Variants in KCNQ3 observed in about 807,000 individuals in gnomAD.
KCNQ3 encodes the protein potassium voltage-gated channel subfamily KQT member 3.
A neutral mutation model predicts 92.5 loss-of-function variants in KCNQ3; 30 were observed. The observed-to-expected ratio is 0.32, with a 90% confidence interval of 0.24 to 0.44. The LOEUF is 0.44. KCNQ3 is among the 20% of genes least tolerant of loss of function. The pLI, the probability that KCNQ3 is intolerant of heterozygous loss-of-function variation, is 1.00. For synonymous variants in KCNQ3, 450 were observed against 468.8 expected (o/e 0.96, Z 0.52); for missense variants, 913 against 1,140.3 (o/e 0.80, Z 2.87).
chr8:132,150,772 G>T (rs989365242), intron 9 of KCNQ3, among the ~76,000 whole-genome samples: 1 of 151,920 alleles, frequency 6.6e-6, no homozygotes, highest in Non-Finnish European at 1.5e-5. Flanking sequence ...TAGGAGATTG[G>T]CAAACAAAAG....
rs1822542079 is a variant in KCNQ3, at chr8:132,480,691, A to G, written c.-159T>C. On this transcript the variant is annotated 5_prime_UTR_variant, in exon 1 of 15. Coordinates refer to ENST00000388996, the MANE Select transcript of KCNQ3 (RefSeq NM_004519.4). ...CCCCACCCCCCCCCAAAAGCAGGCA[A>G]AGGCGGGCCCCCTGGGGGGCAGGGG... The G allele has an allele frequency of 2.7e-6, 2 of 751,906 alleles. No homozygotes were observed. Among genetic ancestry groups the G allele is most frequent in the African/African-American group, 2.1e-5 (1 of 48,748 alleles). The allele number at this position is 751,906 out of a possible 1,614,324, so 46.6% of individuals were successfully genotyped here. A position where few individuals can be genotyped will look rare whatever the true frequency, so the allele number is the denominator to read the frequency against.
At chr8:132,347,900 C>A (rs1016371053) in intron 1 of KCNQ3, among the ~76,000 whole-genome samples, 4 of 150,498 alleles carry the variant, frequency 2.7e-5, no homozygotes, top group African/African-American at 9.8e-5. Flanking sequence ...TGGCGTGAAC[C>A]TGGGAGGCGG....
At chr8:132,278,935 G>A (rs565356476) in intron 1 of KCNQ3, among the ~76,000 whole-genome samples, 23 of 152,232 alleles carry the variant, frequency 1.5e-4, no homozygotes, top group African/African-American at 4.3e-4. Flanking sequence ...GTGCACATCC[G>A]TCAGGGGCGG....
At chr8:132,265,905 G>A (rs1205367596) in intron 1 of KCNQ3, among the ~76,000 whole-genome samples, 1 of 152,072 alleles carries the variant, frequency 6.6e-6, no homozygotes, top group Admixed American at 6.6e-5. Flanking sequence ...CTTGAACTTG[G>A]GGAATTCACT....
intron 1 of KCNQ3, among the ~76,000 whole-genome samples, chr8:132,267,285 C>T (rs994812569): frequency 6.6e-6 from 1 of 152,176 alleles, no homozygotes; most frequent in Non-Finnish European, 1.5e-5. Flanking sequence ...CAAATTCAGG[C>T]ATAATCCTTC....
chr8:132,243,974 C>A (rs567384349), intron 1 of KCNQ3, among the ~76,000 whole-genome samples: 86 of 152,176 alleles, frequency 5.7e-4, no homozygotes, highest in Non-Finnish European at 1.0e-3. Flanking sequence ...TTCACTGAGC[C>A]TTCAGATGCC....
At chr8:132,136,153 A>G (rs1825083191) in intron 12 of KCNQ3, among the ~76,000 whole-genome samples, 1 of 147,382 alleles carries the variant, frequency 6.8e-6, no homozygotes, top group Non-Finnish European at 1.5e-5. Context: ...AAAAGAAAAG[A>G]GAAAGGCCAT....
At chr8:132,172,347 T>A (rs1179952087) in intron 7 of KCNQ3, among the ~76,000 whole-genome samples, 1 of 150,868 alleles carries the variant, frequency 6.6e-6, no homozygotes, top group Non-Finnish European at 1.5e-5. Flanking sequence ...CCCATAGCCA[T>A]CCACAAGTAA....
intron 1 of KCNQ3, among the ~76,000 whole-genome samples, chr8:132,301,043 G>T (rs1407962817): frequency 6.6e-6 from 1 of 152,128 alleles, no homozygotes; most frequent in Non-Finnish European, 1.5e-5. Context: ...CCTTCTGGCT[G>T]GCTAGTTTCC....
At chr8:132,321,380 AAG>A (rs1468426393) in intron 1 of KCNQ3, 1 of 152,456 alleles carries the variant, frequency 6.6e-6, no homozygotes, top group Non-Finnish European at 1.5e-5. Flanking sequence ...CATATTGTAG[AAG>A]CCCTTGGTGG....
intron 1 of KCNQ3, among the ~76,000 whole-genome samples, chr8:132,294,468 T>G (rs928119249): frequency 6.6e-6 from 1 of 152,040 alleles, no homozygotes; most frequent in Non-Finnish European, 1.5e-5. Context: ...GAGGCTAGAG[T>G]TAGGAAGAAC....
chr8:132,395,130 ATTTG>A (rs1275282265), intron 1 of KCNQ3, among the ~76,000 whole-genome samples: 2 of 152,172 alleles, frequency 1.3e-5, no homozygotes, highest in South Asian at 2.1e-4. Flanking sequence ...TTTTAACTTA[ATTTG>A]TTTAATTGAC....
intron 1 of KCNQ3, among the ~76,000 whole-genome samples, chr8:132,374,960 C>T (rs1819571224): frequency 6.6e-6 from 1 of 152,110 alleles, no homozygotes; most frequent in Non-Finnish European, 1.5e-5. Flanking sequence ...CATGTCTTTG[C>T]TATTGTGAAT....
At chr8:132,415,178 G>C (rs1345223539) in intron 1 of KCNQ3, among the ~76,000 whole-genome samples, 3 of 152,172 alleles carry the variant, frequency 2.0e-5, no homozygotes. Flanking sequence ...TCCACTCCAG[G>C]GTACTTCTCT....
At chr8:132,269,324 T>C (rs1816081652) in intron 1 of KCNQ3, among the ~76,000 whole-genome samples, 1 of 152,234 alleles carries the variant, frequency 6.6e-6, no homozygotes, top group Admixed American at 6.5e-5. Context: ...TTTCCTCCTA[T>C]AGTTTTGTGT....
chr8:132,201,279 C>T (rs552302882), intron 1 of KCNQ3, among the ~76,000 whole-genome samples: 3 of 152,308 alleles, frequency 2.0e-5, no homozygotes, highest in East Asian at 1.9e-4. Context: ...CCTTTACTTG[C>T]CAAATTCATG....
At chr8:132,199,666 T>G (rs1163441461) in intron 1 of KCNQ3, among the ~76,000 whole-genome samples, 1 of 152,178 alleles carries the variant, frequency 6.6e-6, no homozygotes, top group Non-Finnish European at 1.5e-5. Context: ...TCCCAGCACT[T>G]TGGGAAGCCT....
In KCNQ3 at chr8:132,149,343, G is replaced by C. The variant is rs372062205; in HGVS notation, c.1263-8012C>G. Among the ~76,000 whole-genome samples the C allele has an allele frequency of 1.3e-3, 200 of 152,252 alleles. 1 individual carries two copies. The highest frequency in any genetic ancestry group is 4.6e-3 in the African/African-American group (192 of 41,552). On this transcript the variant is annotated intron_variant, in intron 9 of 14. Transcript: ENST00000388996. Reference sequence around the variant, plus strand: ...CTTGGGATGCTATCTGTGAGATGGCGGCCTGTTAATAGGAACCCTTCTCGC... The same window carrying C: ...CTTGGGATGCTATCTGTGAGATGGCCGCCTGTTAATAGGAACCCTTCTCGC...
At chr8:132,431,556 T>C (rs1250668155) in intron 1 of KCNQ3, among the ~76,000 whole-genome samples, 1 of 152,226 alleles carries the variant, frequency 6.6e-6, no homozygotes, top group Non-Finnish European at 1.5e-5. Context: ...CAGCCTCTTC[T>C]GTCTCACTGA....
Sources: allele counts gnomAD v4.1 joint callset (sites outside exome capture counted in the v4.1 genomes callset), GRCh38; gene constraint gnomAD v4.1.1; transcripts MANE v1.5; gene names NCBI Gene and HGNC (gene_info 2026-07-23, HGNC 2026-07-21).